SPAG16: variants seen among roughly 807,000 people sequenced by gnomAD.
The protein encoded by SPAG16 is sperm-associated antigen 16 protein.
A neutral mutation model predicts 80.4 loss-of-function variants in SPAG16; 86 were observed. The ratio of observed to expected loss-of-function variants is 1.07; its 90% CI spans 0.90 to 1.28. The LOEUF is 1.28. Ranked by LOEUF, SPAG16 falls within the 50% of genes most tolerant of loss-of-function variation. The probability of loss-of-function intolerance (pLI) is 0.00; values close to 1 mark genes in which losing one functional copy is unlikely to be tolerated. For missense variants in SPAG16, 870 were observed against 765.3 expected, an observed-to-expected ratio of 1.14 and a Z score of -1.61; for synonymous variants, 294 against 265.9, an observed-to-expected ratio of 1.11 and a Z score of -1.03.
intron 12 of SPAG16, among the ~76,000 whole-genome samples, chr2:214,000,876 G>A (rs942269860): frequency 5.9e-5 from 9 of 152,146 alleles, no homozygotes; most frequent in Admixed American, 1.3e-4. Flanking sequence ...TAACCTAAGC[G>A]TTTTCGCCTT....
chr2:214,304,366 C>T (rs1384162600), intron 15 of SPAG16, among the ~76,000 whole-genome samples: 2 of 152,162 alleles, frequency 1.3e-5, no homozygotes, highest in Non-Finnish European at 2.9e-5. Context: ...CCGCCCAGGG[C>T]AGAAAACCAC....
At chr2:213,904,302 G>A (rs1399245111) in intron 11 of SPAG16, among the ~76,000 whole-genome samples, 1 of 152,156 alleles carries the variant, frequency 6.6e-6, no homozygotes, top group East Asian at 1.9e-4. Flanking sequence ...GACTTACATA[G>A]TTCCACATGG....
intron 12 of SPAG16, among the ~76,000 whole-genome samples, chr2:213,952,244 C>T (rs943740678): frequency 3.3e-5 from 5 of 151,816 alleles, no homozygotes; most frequent in South Asian, 2.1e-4. Context: ...ATATGGAGAA[C>T]ACATTTTAAA....
intron 6 of SPAG16, among the ~76,000 whole-genome samples, chr2:213,343,898 G>C (rs1243808279): frequency 6.6e-6 from 1 of 152,018 alleles, no homozygotes; most frequent in Non-Finnish European, 1.5e-5. Context: ...TCCATCATAG[G>C]TGTGTATTTG....
chr2:214,358,557 A>G (rs920421807), intron 15 of SPAG16, among the ~76,000 whole-genome samples: 2 of 151,586 alleles, frequency 1.3e-5, no homozygotes, highest in African/African-American at 2.4e-5. Context: ...AGCAGAACCT[A>G]TGGAATCTAC....
chr2:213,332,877 C>T (rs957512462), intron 5 of SPAG16, among the ~76,000 whole-genome samples: 9 of 151,940 alleles, frequency 5.9e-5, no homozygotes, highest in African/African-American at 2.4e-5. Context: ...CATACCTGAA[C>T]ACAATAAACA....
chr2:214,274,121 G>C (rs997122621), intron 15 of SPAG16, among the ~76,000 whole-genome samples: 2 of 152,178 alleles, frequency 1.3e-5, no homozygotes, highest in African/African-American at 4.8e-5. Flanking sequence ...GTATAGGAAT[G>C]CTTGTGATCT....
intron 10 of SPAG16, among the ~76,000 whole-genome samples, chr2:213,678,590 G>C (rs1276223182): frequency 6.6e-6 from 1 of 152,072 alleles, no homozygotes; most frequent in African/African-American, 2.4e-5. Context: ...TTTTATGCCG[G>C]AAACTGCCTT....
At chr2:213,743,903 A>G (rs1461811027) in intron 10 of SPAG16, among the ~76,000 whole-genome samples, 10 of 151,994 alleles carry the variant, frequency 6.6e-5, no homozygotes, top group Admixed American at 6.6e-4. Context: ...ATGTATTTTA[A>G]CTTCCTTTTT....
intron 15 of SPAG16, among the ~76,000 whole-genome samples, chr2:214,193,426 T>TGAGAGAGAGA (rs55774604): frequency 2.7e-4 from 37 of 136,610 alleles, no homozygotes; most frequent in African/African-American, 1.0e-3. Context: ...TGTGTGTGTA[T>TGAGAGAGAGA]GAGAGAGAGA....
At chr2:214,193,434 AGAGAGAGAGAG>A (rs1202252506) in intron 15 of SPAG16, among the ~76,000 whole-genome samples, 2 of 125,676 alleles carry the variant, frequency 1.6e-5, no homozygotes, top group Non-Finnish European at 3.8e-5. Flanking sequence ...TATGAGAGAG[AGAGAGAGAGAG>A]AGAGAGAGAG....
intron 14 of SPAG16, among the ~76,000 whole-genome samples, chr2:214,113,277 A>T (rs920168765): frequency 6.6e-6 from 1 of 152,050 alleles, no homozygotes; most frequent in African/African-American, 2.4e-5. Flanking sequence ...AACCTTGATG[A>T]ATCTGACAAT....
chr2:213,903,846 C>T (rs909962428), intron 11 of SPAG16, among the ~76,000 whole-genome samples: 1 of 152,164 alleles, frequency 6.6e-6, no homozygotes, highest in Non-Finnish European at 1.5e-5. Context: ...TTAGAAATTT[C>T]TTGCTCCATA....
At chr2:214,156,860 C>T (rs1475749612) in intron 15 of SPAG16, among the ~76,000 whole-genome samples, 1 of 152,146 alleles carries the variant, frequency 6.6e-6, no homozygotes, top group Non-Finnish European at 1.5e-5. Context: ...CTTGTTTTAT[C>T]TCTAAAGCAT....
At chr2:214,216,559 A>G (rs1380663740) in intron 15 of SPAG16, among the ~76,000 whole-genome samples, 2 of 152,188 alleles carry the variant, frequency 1.3e-5, no homozygotes, top group African/African-American at 4.8e-5. Flanking sequence ...TGACCTCTTG[A>G]TCTGCCCGCC....
At chr2:213,596,569 T>A (rs2060890770) in intron 10 of SPAG16, among the ~76,000 whole-genome samples, 1 of 152,132 alleles carries the variant, frequency 6.6e-6, no homozygotes, top group African/African-American at 2.4e-5. Flanking sequence ...TAAAAACAGC[T>A]GGAGTGCAAC....
chr2:214,384,829 A>C (rs532074826), intron 15 of SPAG16, among the ~76,000 whole-genome samples: 1 of 152,244 alleles, frequency 6.6e-6, no homozygotes, highest in Non-Finnish European at 1.5e-5. Flanking sequence ...AGGAGAGAGT[A>C]ACTAAAGCAC....
rs543142379 is a variant in SPAG16 at position 213,594,069 on chromosome 2, C to T, written c.1070+103979C>T. On this transcript the variant is annotated intron_variant, in intron 10 of 15. Transcript: ENST00000331683. The stretch of plus-strand genomic sequence containing the variant: ...GGATTACAGGCGTGAGCCACCGCGC[C>T]CGGCCATCCCTGCCACATCTTATTA... 2.0e-5 allele frequency among the ~76,000 whole-genome samples: 3 copies of T among 152,194 alleles called. No homozygotes were observed. The East Asian group carries it at 5.8e-4, about 29-fold the overall frequency.
intron 15 of SPAG16, among the ~76,000 whole-genome samples, chr2:214,300,343 T>A (rs1165159571): frequency 1.3e-5 from 2 of 152,178 alleles, no homozygotes; most frequent in African/African-American, 4.8e-5. Flanking sequence ...AAGTAAAATT[T>A]AAAAATTATT....
Sources: allele counts gnomAD v4.1 joint callset (sites outside exome capture counted in the v4.1 genomes callset), GRCh38; gene constraint gnomAD v4.1.1; transcripts MANE v1.5; gene names NCBI Gene and HGNC (gene_info 2026-07-23, HGNC 2026-07-21).